The following KAZN variants were observed in gnomAD, a reference collection of about 807,000 sequenced individuals.
KAZN encodes kazrin, periplakin interacting protein.
A neutral mutation model predicts 87.4 loss-of-function variants in KAZN; 40 were observed. The ratio of observed to expected loss-of-function variants is 0.46; its 90% CI spans 0.36 to 0.60. The LOEUF (loss-of-function observed/expected upper bound fraction) is 0.60, where lower values mean the gene tolerates loss of function less well. Among genes scored for constraint, KAZN ranks in the 20% least tolerant of loss-of-function variants. KAZN has a pLI of 0.00. For synonymous variants in KAZN, 466 were observed against 458.3 expected, an observed-to-expected ratio of 1.02 and a Z score of -0.22; for missense variants, 898 against 1,073.9, an observed-to-expected ratio of 0.84 and a Z score of 2.29.
At chr1:14,853,641 C>G (rs970774411) in intron 1 of KAZN, among the ~76,000 whole-genome samples, 1 of 152,154 alleles carries the variant, frequency 6.6e-6, no homozygotes, top group Non-Finnish European at 1.5e-5. Flanking sequence ...CAGCAGTGCC[C>G]TTAATCTGGT....
At chr1:14,616,229 C>A (rs1399601441) in intron 1 of KAZN, among the ~76,000 whole-genome samples, 1 of 152,148 alleles carries the variant, frequency 6.6e-6, no homozygotes, top group Non-Finnish European at 1.5e-5. Context: ...TAGAACAAGA[C>A]CTCTGGCCTC....
At chr1:14,392,938 G>C (rs12732531) in intron 2 of KAZN, among the ~76,000 whole-genome samples, 16,120 of 152,128 alleles carry the variant, frequency 0.11, 1,127 homozygotes, top group Non-Finnish European at 0.16. Context: ...GGAGGGTATT[G>C]TTTGCCTTTG....
chr1:15,034,976 G>C, intron 3 of KAZN, 91 bp downstream of exon 3: 2 of 1,502,952 alleles, frequency 1.3e-6, no homozygotes, highest in South Asian at 1.2e-5. Flanking sequence ...TCTGCCTCTT[G>C]AATCCCCAAA....
rs796474834 is a variant in KAZN, at chr1:15,110,519, G to T, written c.2049-1908G>T. On this transcript the variant is annotated intron_variant, in intron 13 of 14. Transcript: ENST00000376030. Reference sequence around the variant, plus strand: ...TATGTGTGTGTATTTGTGTGTTTGTGTGTATGTGTTTGTGTGTGTGCATAT... The same window carrying T: ...TATGTGTGTGTATTTGTGTGTTTGTTTGTATGTGTTTGTGTGTGTGCATAT... Among the ~76,000 whole-genome samples the T allele has an allele frequency of 1.8e-4, 16 of 89,374 alleles. No homozygotes were observed. In the South Asian group the frequency reaches 3.4e-3, roughly 19 times the overall value. 58.6% of individuals were successfully genotyped at this position (89,374 alleles called of 152,430 possible). A position where few individuals can be genotyped will look rare whatever the true frequency, so the allele number is the denominator to read the frequency against.
At chr1:14,438,963 C>A (rs1274377304) in intron 2 of KAZN, among the ~76,000 whole-genome samples, 4 of 152,168 alleles carry the variant, frequency 2.6e-5, no homozygotes, top group African/African-American at 4.8e-5. Flanking sequence ...GCAAATTCAC[C>A]CAGTCTTGGG....
At chr1:13,907,920 G>C (rs1639507795) in intron 1 of KAZN, among the ~76,000 whole-genome samples, 2 of 152,174 alleles carry the variant, frequency 1.3e-5, no homozygotes, top group African/African-American at 2.4e-5. Context: ...GAATGTGCTT[G>C]TCCTAAACAA....
intron 1 of KAZN, among the ~76,000 whole-genome samples, chr1:14,066,405 A>T (rs75791232): frequency 6.6e-6 from 1 of 152,338 alleles, no homozygotes; most frequent in East Asian, 1.9e-4. Context: ...ACCATTGGGA[A>T]AGGAGAATTC....
At chr1:14,430,200 T>C (rs1361649535) in intron 2 of KAZN, among the ~76,000 whole-genome samples, 2 of 144,612 alleles carry the variant, frequency 1.4e-5, no homozygotes, top group African/African-American at 5.2e-5. Context: ...CTCCACCACC[T>C]CTGCCCTGCA....
At chr1:14,084,234 T>G (rs888689454) in intron 1 of KAZN, among the ~76,000 whole-genome samples, 2 of 152,022 alleles carry the variant, frequency 1.3e-5, no homozygotes, top group African/African-American at 4.8e-5. Flanking sequence ...AATGTGGAAG[T>G]TGAGATGAAC....
At chr1:15,113,644 T>C (rs1377510201) in intron 14 of KAZN, 2 of 151,886 alleles carry the variant, frequency 1.3e-5, no homozygotes, top group Non-Finnish European at 2.9e-5. Flanking sequence ...GCACTTGCTA[T>C]GTGCTTTGCA....
intron 10 of KAZN, among the ~76,000 whole-genome samples, chr1:15,097,459 C>T (rs982166682): frequency 6.6e-6 from 1 of 152,160 alleles, no homozygotes; most frequent in African/African-American, 2.4e-5. Context: ...CCATCATCAC[C>T]TTATGGATAT....
chr1:14,027,053 C>A (rs1208710575), intron 1 of KAZN, among the ~76,000 whole-genome samples: 1 of 152,142 alleles, frequency 6.6e-6, no homozygotes, highest in Non-Finnish European at 1.5e-5. Flanking sequence ...GACATGAAAA[C>A]CGTCTTGACA....
intron 1 of KAZN, among the ~76,000 whole-genome samples, chr1:14,690,576 A>G (rs1266391296): frequency 9.3e-6 from 1 of 107,468 alleles, no homozygotes; most frequent in African/African-American, 3.5e-5. Flanking sequence ...TTCCAGTTCT[A>G]TTAAGTCAAA....
chr1:14,281,521 CTCTGAA>C (rs1218578485), intron 2 of KAZN, among the ~76,000 whole-genome samples: 1 of 152,186 alleles, frequency 6.6e-6, no homozygotes, highest in Non-Finnish European at 1.5e-5. Flanking sequence ...ACTGTTCTAG[CTCTGAA>C]TCCTGCCTCA....
At chr1:14,342,551 G>C (rs1248849487) in intron 2 of KAZN, among the ~76,000 whole-genome samples, 1 of 152,248 alleles carries the variant, frequency 6.6e-6, no homozygotes. Context: ...ATCTTGCAGA[G>C]TAGGCCTTCA....
At chr1:14,796,452 G>A (rs1021740407) in intron 1 of KAZN, among the ~76,000 whole-genome samples, 1 of 152,172 alleles carries the variant, frequency 6.6e-6, no homozygotes, top group Non-Finnish European at 1.5e-5. Context: ...CACAGACCTT[G>A]TCCTGCCCAG....
chr1:14,758,540 T>C (rs1557459628), intron 1 of KAZN, among the ~76,000 whole-genome samples: 1 of 152,122 alleles, frequency 6.6e-6, no homozygotes, highest in African/African-American at 2.4e-5. Context: ...CTTTAACTCC[T>C]GGGCTTAAGC....
chr1:15,054,664 AAGAAG>A (rs1557761794), intron 4 of KAZN, among the ~76,000 whole-genome samples: 2 of 150,484 alleles, frequency 1.3e-5, no homozygotes, highest in African/African-American at 2.5e-5. Flanking sequence ...AAAAAAAAAA[AAGAAG>A]AAGAAGAAGA....
Position 14,355,547 on chromosome 1 carries a change from A to G in KAZN, c.249+174955A>G, listed in dbSNP as rs190507014. On this transcript the variant is annotated intron_variant, in intron 2 of 16. Transcript: ENST00000636203. ...AACCATCAACCCGTCATTGATCTAC[A>G]TTAGGTATTTCTCCTAATGCTGTCC... Among the ~76,000 whole-genome samples the G allele has an allele frequency of 3.3e-3, 504 of 152,210 alleles. 2 individuals are homozygous for G. Among genetic ancestry groups the G allele is most frequent in the African/African-American group, 0.011 (474 of 41,506 alleles).
Sources: allele counts gnomAD v4.1 joint callset (sites outside exome capture counted in the v4.1 genomes callset), GRCh38; gene constraint gnomAD v4.1.1; transcripts MANE v1.5; gene names NCBI Gene and HGNC (gene_info 2026-07-23, HGNC 2026-07-21).